The following TAFA2 variants were observed in gnomAD, a reference collection of about 807,000 sequenced individuals.
The protein encoded by TAFA2 is TAFA chemokine like family member 2, also known as chemokine-like protein TAFA-2.
Under a neutral mutation model 18.8 loss-of-function variants are expected in TAFA2, and 7 were observed. That is an observed-to-expected ratio of 0.37 (90% CI 0.21 to 0.70). The LOEUF is 0.70. Among genes scored for constraint, TAFA2 ranks in the 30% least tolerant of loss-of-function variants. The pLI is 0.53. For missense variants in TAFA2, 122 were observed against 158.1 expected (o/e 0.77, Z 1.23); for synonymous variants, 60 against 54.2 (o/e 1.11, Z -0.47).
At position 62,230,591 on chromosome 12, in the gene TAFA2, CT is replaced by C. The variant is rs1447286611; in HGVS notation, c.-130+28171del. Among the ~76,000 whole-genome samples, 9 of 152,192 alleles carry C rather than the reference CT, an allele frequency of 5.9e-5. No individual in the cohort carries two copies. In the East Asian group the frequency reaches 1.7e-3, roughly 29 times the overall value. On this transcript the variant is annotated intron_variant, in intron 1 of 5. Transcript: ENST00000551619. ...GAAAAGATATTTGATATTATTTAGA[CT>C]TTTTTGAATTTGTTGAGGCTTGTTT...
intron 1 of TAFA2, among the ~76,000 whole-genome samples, chr12:61,961,766 T>C (rs1464638772): frequency 6.6e-6 from 1 of 152,064 alleles, no homozygotes; most frequent in Admixed American, 6.6e-5. Context: ...TGTGTTTGTT[T>C]GTTTGTCCGG....
chr12:62,030,563 A>G (rs551630681), intron 1 of TAFA2, among the ~76,000 whole-genome samples: 2 of 152,282 alleles, frequency 1.3e-5, no homozygotes, highest in African/African-American at 4.8e-5. Context: ...AGTGGTATGA[A>G]GTATGGTTGT....
intron 2 of TAFA2, among the ~76,000 whole-genome samples, chr12:61,863,909 C>T (rs78882934): frequency 5.9e-4 from 90 of 152,244 alleles, no homozygotes; most frequent in African/African-American, 2.1e-3. Flanking sequence ...ATCTATCTTG[C>T]CTCAAGGAGG....
At chr12:62,124,001 T>C (rs1203501247) in intron 1 of TAFA2, among the ~76,000 whole-genome samples, 2 of 152,048 alleles carry the variant, frequency 1.3e-5, no homozygotes, top group Non-Finnish European at 2.9e-5. Flanking sequence ...GCCTACAAGA[T>C]GCAACAATTT....
chr12:61,914,790 C>A (rs1876752637), intron 1 of TAFA2, among the ~76,000 whole-genome samples: 1 of 152,082 alleles, frequency 6.6e-6, no homozygotes, highest in African/African-American at 2.4e-5. Context: ...GATTTTTATT[C>A]TCTAAATAGC....
At chr12:62,123,653 T>G (rs1466938886) in intron 1 of TAFA2, among the ~76,000 whole-genome samples, 1 of 149,690 alleles carries the variant, frequency 6.7e-6, no homozygotes, top group Non-Finnish European at 1.5e-5. Context: ...TGGTTAACAC[T>G]TTATACTTCT....
At chr12:61,963,755 G>T (rs966122026) in intron 1 of TAFA2, among the ~76,000 whole-genome samples, 1 of 151,956 alleles carries the variant, frequency 6.6e-6, no homozygotes, top group Non-Finnish European at 1.5e-5. Context: ...AACCAAAAGA[G>T]AGCCCCTGTA....
chr12:61,950,582 G>T (rs1878431564), intron 1 of TAFA2, among the ~76,000 whole-genome samples: 1 of 151,958 alleles, frequency 6.6e-6, no homozygotes, highest in South Asian at 2.1e-4. Context: ...GCCTATTCAG[G>T]TTCTTTGCCC....
chr12:61,852,867 A>C (rs1592435546), intron 2 of TAFA2, among the ~76,000 whole-genome samples: 1 of 152,348 alleles, frequency 6.6e-6, no homozygotes, highest in East Asian at 1.9e-4. Flanking sequence ...TTCTAAAAGC[A>C]ATAGCATAAC....
intron 1 of TAFA2, among the ~76,000 whole-genome samples, chr12:62,255,569 C>T (rs1423925741): frequency 6.6e-6 from 1 of 152,164 alleles, no homozygotes; most frequent in Non-Finnish European, 1.5e-5. Context: ...CAATTTAGTT[C>T]TGGCCAGGCA....
chr12:61,733,975 A>C (rs1325432313), intron 4 of TAFA2, among the ~76,000 whole-genome samples: 6 of 147,958 alleles, frequency 4.1e-5, no homozygotes, highest in African/African-American at 1.3e-4. Flanking sequence ...GTTCTCCTTG[A>C]AGAGGTCCTT....
chr12:61,996,420 C>T (rs1880190489), intron 1 of TAFA2, among the ~76,000 whole-genome samples: 1 of 152,160 alleles, frequency 6.6e-6, no homozygotes, highest in Admixed American at 6.5e-5. Context: ...CCAGGGGCTT[C>T]CACTCAGCCA....
At chr12:62,186,958 T>C (rs570159876) in intron 1 of TAFA2, among the ~76,000 whole-genome samples, 1 of 152,312 alleles carries the variant, frequency 6.6e-6, no homozygotes, top group South Asian at 2.1e-4. Flanking sequence ...CATATCCATG[T>C]GGTATACACA....
chr12:62,257,184 G>GTGTGTGTGTGTGTGTGTGTGATT (rs2062944722), intron 1 of TAFA2, among the ~76,000 whole-genome samples: 1 of 20,882 alleles, frequency 4.8e-5, no homozygotes, highest in African/African-American at 1.7e-4. Flanking sequence ...GTGTGTGTGT[G>GTGTGTGTGTGTGTGTGTGTGATT]TGTGTGTGTG....
intron 1 of TAFA2, among the ~76,000 whole-genome samples, chr12:62,213,298 A>G (rs1313716357): frequency 6.6e-6 from 1 of 152,208 alleles, no homozygotes; most frequent in East Asian, 1.9e-4. Flanking sequence ...CTAGTTTTCA[A>G]GATGATTACC....
intron 4 of TAFA2, among the ~76,000 whole-genome samples, chr12:61,750,456 A>G (rs999010985): frequency 6.6e-6 from 1 of 152,136 alleles, no homozygotes; most frequent in Non-Finnish European, 1.5e-5. Flanking sequence ...ATGACTGTCT[A>G]TTCTTTACCT....
chr12:61,949,342 T>C (rs1878387047), intron 1 of TAFA2, among the ~76,000 whole-genome samples: 1 of 152,080 alleles, frequency 6.6e-6, no homozygotes, highest in Non-Finnish European at 1.5e-5. Context: ...CTTATACCAC[T>C]GGCTCTCCTG....
chr12:62,045,043 G>C (rs752020471), intron 1 of TAFA2, among the ~76,000 whole-genome samples: 1 of 152,142 alleles, frequency 6.6e-6, no homozygotes, highest in Non-Finnish European at 1.5e-5. Flanking sequence ...TGAATCATCC[G>C]TTAGATATAG....
At chr12:62,131,578 T>C (rs1433647014) in intron 1 of TAFA2, among the ~76,000 whole-genome samples, 1 of 151,990 alleles carries the variant, frequency 6.6e-6, no homozygotes, top group Non-Finnish European at 1.5e-5. Context: ...AGAGTGGCCC[T>C]GTGTGTACTG....
Sources: allele counts gnomAD v4.1 joint callset (sites outside exome capture counted in the v4.1 genomes callset), GRCh38; gene constraint gnomAD v4.1.1; transcripts MANE v1.5; gene names NCBI Gene and HGNC (gene_info 2026-07-23, HGNC 2026-07-21).